The following USP46 variants were observed in gnomAD, a reference collection of about 807,000 sequenced individuals.
The protein encoded by USP46 is ubiquitin carboxyl-terminal hydrolase 46.
In USP46, 12 loss-of-function variants were observed where a neutral mutation model predicts 44.4. The observed-to-expected ratio is 0.27, with a 90% CI of 0.17 to 0.44. USP46 has a LOEUF of 0.44. Among genes scored for constraint, USP46 ranks in the 20% least tolerant of loss-of-function variants. The pLI, the probability that USP46 is intolerant of heterozygous loss-of-function variation, is 1.00. For synonymous variants in USP46, 155 were observed against 161.5 expected (o/e 0.96, Z 0.31); for missense variants, 248 against 444.8 (o/e 0.56, Z 3.98).
At chr4:52,604,440 G>GC in intron 6 of USP46, 61 bp downstream of exon 6, 1 of 1,405,984 alleles carries the variant, frequency 7.1e-7, no homozygotes, top group South Asian at 1.2e-5. Flanking sequence ...ACCCTGCTGG[G>GC]CCCCACAGTC....
chr4:52,608,243 G>A (rs1018413817), intron 5 of USP46, among the ~76,000 whole-genome samples: 1 of 152,176 alleles, frequency 6.6e-6, no homozygotes, highest in Non-Finnish European at 1.5e-5. Flanking sequence ...ATCATTTTTT[G>A]TAAACACAGC....
chr4:52,592,844 A>G lies in USP46; in HGVS notation c.*4796T>C. 1 of 398,296 alleles carries G rather than the reference A, an allele frequency of 2.5e-6. No individual in the cohort carries two copies. Among genetic ancestry groups the G allele is most frequent in the Non-Finnish European group, 4.4e-6 (1 of 226,040 alleles). The allele number at this position is 398,296 out of a possible 1,614,324, so 24.7% of individuals were successfully genotyped here. On this transcript the variant is annotated 3_prime_UTR_variant, in exon 9 of 9. Coordinates refer to ENST00000441222, the MANE Select transcript of USP46 (RefSeq NM_022832.4). ...ACAGTGAGACTCCATCTTAAAAAAA[A>G]AAAAGGAAAGAAAAGTGTGTAACCC...
chr4:52,631,367 C>T (rs1717820278), intron 1 of USP46, among the ~76,000 whole-genome samples: 1 of 152,140 alleles, frequency 6.6e-6, no homozygotes, highest in Non-Finnish European at 1.5e-5. Flanking sequence ...CTAAAACCTA[C>T]TCTACTTGAC....
chr4:52,625,426 T>A lies in USP46; in HGVS notation c.561+592A>T, dbSNP rs184078856. 2.3e-3 allele frequency among the ~76,000 whole-genome samples: 354 copies of A among 152,284 alleles called. 2 individuals are homozygous for A. The highest frequency in any genetic ancestry group is 4.0e-3 in the Non-Finnish European group (269 of 68,026). On this transcript the variant is annotated intron_variant, in intron 4 of 8. Transcript: ENST00000441222. Reference sequence around the variant, plus strand: ...CCACCCACAGAGTTGAAGTTAAACATGCCAAGAAAATATGACATCCTGAAT... The same window carrying A: ...CCACCCACAGAGTTGAAGTTAAACAAGCCAAGAAAATATGACATCCTGAAT...
chr4:52,605,939 C>T (rs1369416153), intron 5 of USP46, among the ~76,000 whole-genome samples: 3 of 152,216 alleles, frequency 2.0e-5, no homozygotes, highest in Non-Finnish European at 4.4e-5. Context: ...GTTCAGCACT[C>T]AGCCTAAACA....
chr4:52,591,606 A>G lies in USP46; in HGVS notation c.*6034T>C, dbSNP rs1716013821. Reference sequence around the variant, plus strand: ...TAATCATGTGGGAAGTAAGCACACAATTAGAAGTCTTTTCTATACAATCTA... The same window carrying G: ...TAATCATGTGGGAAGTAAGCACACAGTTAGAAGTCTTTTCTATACAATCTA... On this transcript the variant is annotated 3_prime_UTR_variant, in exon 9 of 9. Coordinates refer to ENST00000441222, the MANE Select transcript of USP46 (RefSeq NM_022832.4). The G allele has an allele frequency of 6.6e-6, 1 of 152,244 alleles. No homozygotes were observed. Among genetic ancestry groups the G allele is most frequent in the African/African-American group, 2.4e-5 (1 of 41,470 alleles). 9.4% of individuals were successfully genotyped at this position (152,244 alleles called of 1,614,324 possible). A position where few individuals can be genotyped will look rare whatever the true frequency, so the allele number is the denominator to read the frequency against.
intron 5 of USP46, among the ~76,000 whole-genome samples, chr4:52,605,257 C>A (rs1716643398): frequency 6.6e-6 from 1 of 152,168 alleles, no homozygotes; most frequent in Non-Finnish European, 1.5e-5. Flanking sequence ...CTTTGGAGAA[C>A]AAAAGCCATT....
chr4:52,628,720 C>A (rs1393732578), intron 2 of USP46, among the ~76,000 whole-genome samples: 1 of 152,232 alleles, frequency 6.6e-6, no homozygotes, highest in Non-Finnish European at 1.5e-5. Context: ...CCTCACTTAA[C>A]CCCGAGCAAC....
chr4:52,625,449 A>G (rs1717544489), intron 4 of USP46, among the ~76,000 whole-genome samples: 1 of 152,178 alleles, frequency 6.6e-6, no homozygotes, highest in African/African-American at 2.4e-5. Flanking sequence ...TGACATCCTG[A>G]ATCATGCTCT....
intron 1 of USP46, among the ~76,000 whole-genome samples, chr4:52,640,040 A>G (rs960822323): frequency 6.6e-6 from 1 of 151,742 alleles, no homozygotes; most frequent in African/African-American, 2.4e-5. Flanking sequence ...CAGTAGTCAT[A>G]TCCCTGCAGC....
At chr4:52,598,767 A>G (rs1175965932) in intron 7 of USP46, 61 bp from the exon 8 acceptor site, 11 of 1,473,332 alleles carry the variant, frequency 7.5e-6, no homozygotes, top group South Asian at 1.2e-5. Flanking sequence ...ATAAAACTCT[A>G]CTTAGCTCTT....
At chr4:52,630,748 A>G (rs558770874) in intron 2 of USP46, among the ~76,000 whole-genome samples, 10 of 152,074 alleles carry the variant, frequency 6.6e-5, no homozygotes, top group Admixed American at 1.3e-4. Flanking sequence ...AAAAAAAAAA[A>G]AAAAAAAGAA....
intron 8 of USP46, 197 bp downstream of exon 8, chr4:52,598,431 G>A: frequency 3.5e-6 from 2 of 579,000 alleles, no homozygotes; most frequent in Admixed American, 3.0e-5. Context: ...CACAGCGTCA[G>A]TGAGTCCATG....
rs1716864634 is a variant in USP46 at position 52,609,894 on chromosome 4, ATTTCTTTTTTTTTTTTTTTTTTTTTTTT to A, written c.638+619_638+646del. Among the ~76,000 whole-genome samples, 3 of 20,694 alleles carry A rather than the reference ATTTCTTTTTTTTTTTTTTTTTTTTTTTT, an allele frequency of 1.4e-4. No individual in the cohort carries two copies. In the East Asian group the frequency reaches 3.0e-3, roughly 21 times the overall value. The allele number at this position is 20,694 out of a possible 152,430, so 13.6% of individuals were successfully genotyped here. A position where few individuals can be genotyped will look rare whatever the true frequency, so the allele number is the denominator to read the frequency against. On this transcript the variant is annotated intron_variant, in intron 5 of 8. Coordinates refer to ENST00000441222, the MANE Select transcript of USP46 (RefSeq NM_022832.4). ...TTATGGAAACCTAAACCTCAATTCT[ATTTCTTTTTTTTTTTTTTTTTTTTTTTT>A]TTTTTTTTTTTTTTTTTTTTTGAGG...
Position 52,604,549 on chromosome 4 carries a change from TG to T in USP46, c.673del (p.Gln225LysfsTer18). On this transcript the variant is annotated frameshift_variant, in exon 6 of 9. Coordinates refer to ENST00000441222, the MANE Select transcript of USP46 (RefSeq NM_022832.4). LOFTEE classifies it high-confidence loss of function. ...GCAGCATGTTTCACAATAATATTTT[TG>T]TTCACTACACAGTGTTTCTGTGTTG... ...FSNTETLCSE[Q>X]KYYCETCCSK... The T allele has an allele frequency of 6.2e-7, 1 of 1,610,668 alleles. No individual in the cohort carries two copies.
At chr4:52,638,604 C>T (rs1352806900) in intron 1 of USP46, among the ~76,000 whole-genome samples, 2 of 148,114 alleles carry the variant, frequency 1.4e-5, no homozygotes, top group African/African-American at 4.9e-5. Context: ...TAACATCTGT[C>T]CAATGCCCTA....
intron 4 of USP46, among the ~76,000 whole-genome samples, chr4:52,613,400 C>T (rs1372115412): frequency 1.3e-5 from 2 of 152,108 alleles, no homozygotes; most frequent in African/African-American, 4.8e-5. Flanking sequence ...CCTGTTAAAA[C>T]TAAAGAAACT....
At chr4:52,656,646 CCT>C (rs1718963567) in intron 1 of USP46, 2 of 1,059,038 alleles carry the variant, frequency 1.9e-6, no homozygotes, top group Admixed American at 9.1e-5. Context: ...TGTACCAGGC[CCT>C]GTGCCCGAGT....
rs1319978124 is a variant in USP46, at chr4:52,592,147, T to C, written c.*5493A>G. 1 of 152,164 alleles carries C rather than the reference T, an allele frequency of 6.6e-6. No homozygotes were observed. The highest frequency in any genetic ancestry group is 6.5e-5 in the Admixed American group (1 of 15,274). 9.4% of individuals were successfully genotyped at this position (152,164 alleles called of 1,614,324 possible). On this transcript the variant is annotated 3_prime_UTR_variant, in exon 9 of 9. Coordinates refer to ENST00000441222, the MANE Select transcript of USP46 (RefSeq NM_022832.4). The stretch of plus-strand genomic sequence containing the variant: ...ACACGTGTTATTTCCACAACTTAAA[T>C]TTTAAATTTCTTTCTCACCCAGACT...
Sources: gnomAD v4.1 joint callset for allele counts (sites outside exome capture counted in the v4.1 genomes callset) on GRCh38, gnomAD v4.1.1 for gene constraint, MANE v1.5 for transcripts, NCBI Gene and HGNC (gene_info 2026-07-23, HGNC 2026-07-21) for gene names.